The following USP31 variants were observed in gnomAD, a reference collection of about 807,000 sequenced individuals.
USP31 encodes ubiquitin carboxyl-terminal hydrolase 31.
In USP31, 44 loss-of-function variants were observed where a neutral mutation model predicts 119.4. The observed-to-expected ratio is 0.37, with a 90% CI of 0.29 to 0.47. The LOEUF (loss-of-function observed/expected upper bound fraction) is 0.47. Among genes scored for constraint, USP31 ranks in the 20% least tolerant of loss-of-function variants. The pLI is 0.99. For missense variants in USP31, 1,643 were observed against 1,730.2 expected (o/e 0.95, Z 0.89); for synonymous variants, 749 against 705.6 (o/e 1.06, Z -0.97).
intron 1 of USP31, among the ~76,000 whole-genome samples, chr16:23,116,016 C>T (rs545194473): frequency 5.9e-5 from 9 of 152,176 alleles, no homozygotes; most frequent in African/African-American, 1.9e-4. Context: ...AAGCAATGGT[C>T]GGTCACTGGT....
chr16:23,112,983 A>G (rs6497646), intron 1 of USP31, among the ~76,000 whole-genome samples: 42,604 of 151,496 alleles, frequency 0.28, 6,349 homozygotes, highest in Admixed American at 0.35. Context: ...AGCCGAGATC[A>G]TGCCATTGCA....
intron 1 of USP31, among the ~76,000 whole-genome samples, chr16:23,115,081 G>C (rs568657263): frequency 3.3e-5 from 5 of 152,232 alleles, no homozygotes; most frequent in African/African-American, 1.2e-4. Flanking sequence ...TTCGAATCCT[G>C]GTTCATCAAA....
At chr16:23,079,741 T>C in intron 13 of USP31, 1 of 506,896 alleles carries the variant, frequency 2.0e-6, no homozygotes, top group Non-Finnish European at 3.4e-6. Flanking sequence ...GTCAGCTACC[T>C]ACTGGACGAC....
chr16:23,101,362 T>G (rs1380706806), intron 6 of USP31, among the ~76,000 whole-genome samples: 1 of 152,060 alleles, frequency 6.6e-6, no homozygotes, highest in African/African-American at 2.4e-5. Context: ...GCAACCAATC[T>G]AAGAAAGAAA....
intron 1 of USP31, among the ~76,000 whole-genome samples, chr16:23,112,587 T>TTTAATAAA (rs956843030): frequency 5.3e-5 from 8 of 151,266 alleles, no homozygotes; most frequent in Non-Finnish European, 1.0e-4. Flanking sequence ...ATAAAAGGAA[T>TTTAATAAA]AATAATTTAA....
chr16:23,105,326 ACTGGTTTTAAAT>A, intron 5 of USP31, 103 bp downstream of exon 5: 1 of 1,297,088 alleles, frequency 7.7e-7, no homozygotes, highest in Admixed American at 2.9e-5. Context: ...TCTAAATGCA[ACTGGTTTTAAAT>A]CTCTATCCAA....
chr16:23,142,272 T>C (rs1471328580), intron 1 of USP31, among the ~76,000 whole-genome samples: 2 of 152,206 alleles, frequency 1.3e-5, no homozygotes, highest in Admixed American at 6.5e-5. Context: ...TGGAGAGAGA[T>C]CCACATGTGT....
Position 23,106,606 on chromosome 16 carries a change from T to C in USP31, c.772-119A>G, listed in dbSNP as rs1902117063. On this transcript the variant is annotated intron_variant, in intron 2 of 15. Transcript: ENST00000219689. ...TTACAAGCTATGCATCAAGTGCAGA[T>C]ACTTCAGTGACGGGCACCTGCTAAA... The C allele has an allele frequency of 4.8e-6, 5 of 1,039,100 alleles. No individual in the cohort carries two copies. In the African/African-American group the frequency reaches 6.5e-5, roughly 13 times the overall value. 64.4% of individuals were successfully genotyped at this position (1,039,100 alleles called of 1,614,324 possible).
intron 1 of USP31, among the ~76,000 whole-genome samples, chr16:23,114,999 A>T (rs1224713772): frequency 6.6e-6 from 1 of 152,148 alleles, no homozygotes; most frequent in Non-Finnish European, 1.5e-5. Context: ...GTAGGAGTCA[A>T]GAATCCTAAG....
At chr16:23,086,360 T>A (rs984128363) in intron 9 of USP31, among the ~76,000 whole-genome samples, 2 of 151,974 alleles carry the variant, frequency 1.3e-5, no homozygotes, top group Non-Finnish European at 2.9e-5. Flanking sequence ...TTATAAAAAA[T>A]TTGAGTTTTC....
intron 6 of USP31, among the ~76,000 whole-genome samples, chr16:23,093,267 C>G (rs1170654962): frequency 6.6e-6 from 1 of 152,064 alleles, no homozygotes; most frequent in African/African-American, 2.4e-5. Flanking sequence ...ACTTGCAAGT[C>G]ATATATCCCA....
chr16:23,093,958 T>A (rs189431415), intron 6 of USP31, among the ~76,000 whole-genome samples: 16 of 152,318 alleles, frequency 1.1e-4, no homozygotes, highest in Non-Finnish European at 2.4e-4. Flanking sequence ...TTTCTGCGTT[T>A]CCAACTGAGG....
chr16:23,085,494 G>C, intron 10 of USP31, 91 bp downstream of exon 10: 1 of 1,149,804 alleles, frequency 8.7e-7, no homozygotes. Context: ...AGAGAGATTT[G>C]TGTTTCAGCT....
intron 6 of USP31, among the ~76,000 whole-genome samples, chr16:23,094,778 G>T (rs1901529550): frequency 6.6e-6 from 1 of 152,108 alleles, no homozygotes; most frequent in South Asian, 2.1e-4. Context: ...TCATTAGAAG[G>T]AAAACTAACA....
chr16:23,088,913 T>C (rs1243219988), intron 7 of USP31, among the ~76,000 whole-genome samples: 1 of 152,172 alleles, frequency 6.6e-6, no homozygotes, highest in African/African-American at 2.4e-5. Flanking sequence ...CAGAGGGAAG[T>C]AGAGGTGCTA....
intron 1 of USP31, among the ~76,000 whole-genome samples, chr16:23,121,120 T>C (rs1037693816): frequency 1.3e-5 from 2 of 152,182 alleles, no homozygotes; most frequent in Non-Finnish European, 2.9e-5. Flanking sequence ...TAGTAGTAAC[T>C]AAGGGAGATT....
chr16:23,090,967 C>A (rs527518145), intron 6 of USP31, among the ~76,000 whole-genome samples, 163 bp from the exon 7 acceptor site: 3 of 152,188 alleles, frequency 2.0e-5, no homozygotes, highest in African/African-American at 7.2e-5. Flanking sequence ...ACTCATCTAG[C>A]CGTTAGAGAA....
Position 23,066,437 on chromosome 16 carries a change from A to C in USP31, c.*1609T>G, listed in dbSNP as rs970965212. ...AAAAAAGAAAAAAAAAGTAGTGCAG[A>C]ATTCACAGCTATGCATGCATATGTG... On this transcript the variant is annotated 3_prime_UTR_variant, in exon 16 of 16. Transcript: ENST00000219689. 3 of 152,576 alleles carry C rather than the reference A, an allele frequency of 2.0e-5. No individual in the cohort carries two copies. Among genetic ancestry groups the C allele is most frequent in the African/African-American group, 7.2e-5 (3 of 41,468 alleles). 9.5% of individuals were successfully genotyped at this position (152,576 alleles called of 1,614,324 possible).
At chr16:23,119,690 G>A (rs1412733022) in intron 1 of USP31, among the ~76,000 whole-genome samples, 1 of 152,126 alleles carries the variant, frequency 6.6e-6, no homozygotes, top group Non-Finnish European at 1.5e-5. Flanking sequence ...CTGAAATATG[G>A]CCCAGAAACA....
Sources: gnomAD v4.1 joint callset for allele counts (sites outside exome capture counted in the v4.1 genomes callset) on GRCh38, gnomAD v4.1.1 for gene constraint, MANE v1.5 for transcripts, NCBI Gene and HGNC (gene_info 2026-07-23, HGNC 2026-07-21) for gene names.